Variants in THEMIS observed in about 807,000 individuals in gnomAD.
The protein encoded by THEMIS is protein THEMIS.
THEMIS carries 37 observed loss-of-function variants against 52.6 expected under a neutral mutation model. The ratio of observed to expected loss-of-function variants is 0.70; its 90% confidence interval spans 0.54 to 0.93. The LOEUF (loss-of-function observed/expected upper bound fraction) is 0.93, where lower values mean the gene tolerates loss of function less well. Ranked by LOEUF, THEMIS falls within the 40% of genes least tolerant of loss-of-function variation. THEMIS has a pLI of 0.00. For synonymous variants in THEMIS, 292 were observed against 272.7 expected, an observed-to-expected ratio of 1.07 and a Z score of -0.70; for missense variants, 808 against 763.1, an observed-to-expected ratio of 1.06 and a Z score of -0.69.
At chr6:127,742,381 A>C (rs1335504091) in intron 4 of THEMIS, among the ~76,000 whole-genome samples, 2 of 151,848 alleles carry the variant, frequency 1.3e-5, no homozygotes, top group Non-Finnish European at 2.9e-5. Context: ...CAAAGATAGA[A>C]TCACCAAATG....
In THEMIS at chr6:127,915,586, AAGAGAGAG is replaced by A. The variant is rs34353449; in HGVS notation, c.-150+2834_-150+2841del. ...GTGGGGAGAGAGAGGGTCAGAGAGA[AAGAGAGAG>A]AGAGAGAGAGAGAGAGAGAGAGAGA... On this transcript the variant is annotated intron_variant, in intron 1 of 6. Coordinates refer to the THEMIS transcript ENST00000368250. Among the ~76,000 whole-genome samples the A allele has an allele frequency of 4.9e-3, 691 of 140,362 alleles. 2 individuals are homozygous for A. The highest frequency in any genetic ancestry group is 9.0e-3 in the South Asian group (37 of 4,122). 92.1% of individuals were successfully genotyped at this position (140,362 alleles called of 152,430 possible).
intron 4 of THEMIS, among the ~76,000 whole-genome samples, chr6:127,723,153 G>A (rs1390094549): frequency 6.6e-6 from 1 of 151,920 alleles, no homozygotes. Context: ...ACCTCACTGG[G>A]ATCTGAGATC....
At chr6:127,774,707 C>T (rs1776500311) in intron 4 of THEMIS, among the ~76,000 whole-genome samples, 1 of 152,166 alleles carries the variant, frequency 6.6e-6, no homozygotes, top group African/African-American at 2.4e-5. Flanking sequence ...ATGCATTTTC[C>T]TCTCACTTTC....
chr6:127,917,204 G>T (rs1477659328), intron 1 of THEMIS, among the ~76,000 whole-genome samples: 1 of 152,294 alleles, frequency 6.6e-6, no homozygotes, highest in African/African-American at 2.4e-5. Flanking sequence ...TACAAAATGG[G>T]TTGGTCCTCA....
chr6:127,835,832 C>T (rs1214895851), intron 2 of THEMIS, among the ~76,000 whole-genome samples: 1 of 152,146 alleles, frequency 6.6e-6, no homozygotes, highest in African/African-American at 2.4e-5. Context: ...TTTAGGTGGA[C>T]TGCCTTTGGA....
intron 2 of THEMIS, among the ~76,000 whole-genome samples, chr6:127,840,833 A>G (rs1157715563): frequency 6.6e-6 from 1 of 152,072 alleles, no homozygotes. Context: ...TTAGTAGGTG[A>G]AAGAAGTCAA....
intron 4 of THEMIS, among the ~76,000 whole-genome samples, chr6:127,784,055 C>A (rs1280749491): frequency 3.3e-5 from 5 of 152,142 alleles, no homozygotes; most frequent in African/African-American, 1.2e-4. Context: ...ACTATGCAGA[C>A]ATACAAAAGG....
At chr6:127,913,145 T>C (rs1000238896) in intron 1 of THEMIS, among the ~76,000 whole-genome samples, 2 of 152,144 alleles carry the variant, frequency 1.3e-5, no homozygotes, top group Non-Finnish European at 2.9e-5. Flanking sequence ...ACATTGGACA[T>C]GAAATGCCTG....
intron 1 of THEMIS, among the ~76,000 whole-genome samples, chr6:127,864,056 C>T (rs963535413): frequency 1.3e-5 from 2 of 152,108 alleles, no homozygotes; most frequent in African/African-American, 4.8e-5. Context: ...GACTCAAAGA[C>T]ATTTTGAAGA....
At chr6:127,746,243 G>C in intron 4 of THEMIS, among the ~76,000 whole-genome samples, 1 of 151,690 alleles carries the variant, frequency 6.6e-6, no homozygotes, top group South Asian at 2.1e-4. Context: ...ATATAATAGA[G>C]GTAGGCTGTC....
chr6:127,884,832 G>C (rs540912450), intron 1 of THEMIS, among the ~76,000 whole-genome samples: 1 of 152,270 alleles, frequency 6.6e-6, no homozygotes, highest in South Asian at 2.1e-4. Context: ...CTCTCTTCTT[G>C]GCATGCATAC....
chr6:127,822,613 T>C (rs141800338), intron 3 of THEMIS, among the ~76,000 whole-genome samples: 60 of 152,280 alleles, frequency 3.9e-4, no homozygotes, highest in African/African-American at 1.4e-3. Flanking sequence ...TTAGACACTT[T>C]TAACATGTAT....
intron 4 of THEMIS, among the ~76,000 whole-genome samples, chr6:127,757,185 T>G (rs1020489238): frequency 9.9e-5 from 15 of 152,218 alleles, no homozygotes; most frequent in African/African-American, 3.6e-4. Context: ...AAGCCCCAAG[T>G]GGCTAGTGGC....
downstream of THEMIS, among the ~76,000 whole-genome samples, chr6:127,707,174 A>G (rs946215075): frequency 2.6e-5 from 4 of 152,080 alleles, no homozygotes; most frequent in African/African-American, 7.2e-5. Flanking sequence ...CCATGACTCA[A>G]TTACCTCCCA....
intron 4 of THEMIS, among the ~76,000 whole-genome samples, chr6:127,728,893 G>A (rs1774646078): frequency 6.6e-6 from 1 of 152,136 alleles, no homozygotes; most frequent in Non-Finnish European, 1.5e-5. Context: ...ATTTAAATGA[G>A]AAGATTTTTC....
At chr6:127,752,280 AG>A (rs1775669658) in intron 4 of THEMIS, among the ~76,000 whole-genome samples, 1 of 151,520 alleles carries the variant, frequency 6.6e-6, no homozygotes, top group South Asian at 2.1e-4. Context: ...ACAAGCCCAA[AG>A]TTAACAGAGG....
intron 1 of THEMIS, among the ~76,000 whole-genome samples, chr6:127,858,638 A>T (rs1779695959): frequency 6.6e-6 from 1 of 152,152 alleles, no homozygotes; most frequent in South Asian, 2.1e-4. Flanking sequence ...AATATGTGTA[A>T]TTGCTTTTAA....
At chr6:127,730,277 TAAAGAAAAGA>T (rs200876150) in intron 4 of THEMIS, among the ~76,000 whole-genome samples, 2,485 of 54,714 alleles carry the variant, frequency 0.045, 109 homozygotes, top group East Asian at 0.2. Context: ...CTATAGGAAA[TAAAGAAAAGA>T]AAAGAAAAGA....
At chr6:127,701,746 G>T in the THEMIS span, among the ~76,000 whole-genome samples, 2 of 152,150 alleles carry the variant, frequency 1.3e-5, no homozygotes, top group East Asian at 3.9e-4. Context: ...GGTTTATAAT[G>T]ATATATCTTG....
Sources: allele counts gnomAD v4.1 joint callset (sites outside exome capture counted in the v4.1 genomes callset), GRCh38; gene constraint gnomAD v4.1.1; transcripts MANE v1.5; gene names NCBI Gene and HGNC (gene_info 2026-07-23, HGNC 2026-07-21).